BPIFB1: variants seen among roughly 807,000 people sequenced by gnomAD.
BPIFB1 encodes BPI fold-containing family B member 1.
In BPIFB1, 34 loss-of-function variants were observed where a neutral mutation model predicts 55.1. The observed-to-expected ratio is 0.62, with a 90% CI of 0.47 to 0.82. The LOEUF is 0.82. BPIFB1 is among the 40% of genes least tolerant of loss of function. The pLI, the probability that BPIFB1 is intolerant of heterozygous loss-of-function variation, is 0.00. For synonymous variants in BPIFB1, 236 were observed against 245.3 expected (o/e 0.96, Z 0.35); for missense variants, 532 against 593.1 (o/e 0.90, Z 1.07).
intron 2 of BPIFB1, among the ~76,000 whole-genome samples, chr20:33,287,219 G>A (rs867208329): frequency 6.6e-6 from 1 of 152,244 alleles, no homozygotes; most frequent in Non-Finnish European, 1.5e-5. Flanking sequence ...CTCCTATAAG[G>A]AGTTGTGTAC....
chr20:33,301,232 G>C lies in BPIFB1; in HGVS notation c.748-1G>C. ...GCTGACTCCCTGCTCTGTCTCCTCA[G>C]GCCAAGTTGTTGGACTCACAGGGAA... On this transcript the variant is annotated splice_acceptor_variant, in intron 8 of 15. Transcript: ENST00000253354. LOFTEE classifies it high-confidence loss of function. The C allele has an allele frequency of 6.2e-7, 1 of 1,613,862 alleles. No homozygotes were observed. Among genetic ancestry groups the C allele is most frequent in the East Asian group, 2.2e-5 (1 of 44,878 alleles).
intron 4 of BPIFB1, among the ~76,000 whole-genome samples, chr20:33,290,385 A>G (rs1012664111): frequency 1.3e-5 from 2 of 152,100 alleles, no homozygotes; most frequent in African/African-American, 4.8e-5. Flanking sequence ...AAGAGTGGAG[A>G]CAGGAAGGCT....
intron 4 of BPIFB1, among the ~76,000 whole-genome samples, chr20:33,290,381 G>A (rs1299368002): frequency 3.3e-5 from 5 of 152,182 alleles, no homozygotes. Context: ...GGGTAAGAGT[G>A]GAGACAGGAA....
At chr20:33,298,991 TGGAGA>T in intron 7 of BPIFB1, 1 of 299,546 alleles carries the variant, frequency 3.3e-6, no homozygotes, top group Non-Finnish European at 6.7e-6. Context: ...TTTTTTTTTT[TGGAGA>T]CGGACCTTTT....
At chr20:33,299,874 G>T (rs1290276300) in intron 7 of BPIFB1, 25 bp from the exon 8 acceptor site, 10 of 1,611,156 alleles carry the variant, frequency 6.2e-6, no homozygotes, top group Non-Finnish European at 8.5e-6. Context: ...CACCCTCACA[G>T]AACTTTCTTC....
In BPIFB1 at chr20:33,297,576, C is replaced by T. The variant is rs779228270; in HGVS notation, c.649C>T (p.Gln217Ter). The part of the protein sequence containing the change: ...SFNGMYADLL[Q>*]LVKVPISLSI... ...CAATGGCATGTATGCAGACCTCCTG[C>T]AGCTGGTGAAGGGTAGGTGCTCTGC... The change falls in exon 7 of 16, where the codon CAG becomes TAG. Residue 217 changes from glutamine to a stop codon, truncating the protein, a stop_gained. Coordinates refer to ENST00000253354, the MANE Select transcript of BPIFB1 (RefSeq NM_033197.3). LOFTEE classifies it high-confidence loss of function. 1 of 1,614,172 alleles carries T rather than the reference C, an allele frequency of 6.2e-7. No individual in the cohort carries two copies. The highest frequency in any genetic ancestry group is 1.1e-5 in the South Asian group (1 of 91,086).
intron 6 of BPIFB1, among the ~76,000 whole-genome samples, chr20:33,296,844 G>T (rs1031092742): frequency 6.6e-6 from 1 of 152,212 alleles, no homozygotes; most frequent in East Asian, 1.9e-4. Flanking sequence ...GGTCTGCCTT[G>T]CTGGCCTCTG....
At chr20:33,289,381 C>CAAAA (rs1217903188) in intron 3 of BPIFB1, among the ~76,000 whole-genome samples, 13 of 105,808 alleles carry the variant, frequency 1.2e-4, no homozygotes, top group South Asian at 3.8e-4. Flanking sequence ...GATTCTGTCT[C>CAAAA]AAAAAAAAAA....
intron 14 of BPIFB1, among the ~76,000 whole-genome samples, chr20:33,306,375 T>TC (rs1471895213): frequency 1.3e-5 from 2 of 152,078 alleles, no homozygotes; most frequent in African/African-American, 4.8e-5. Context: ...CAGACCCTGT[T>TC]CCCCCTCTTG....
intron 8 of BPIFB1, among the ~76,000 whole-genome samples, chr20:33,300,367 A>G (rs1368432645): frequency 6.6e-6 from 1 of 152,198 alleles, no homozygotes; most frequent in Non-Finnish European, 1.5e-5. Flanking sequence ...GACTTTGGGC[A>G]AGTTCCTTTA....
chr20:33,285,495 C>A (rs1329253996), intron 1 of BPIFB1, among the ~76,000 whole-genome samples: 1 of 151,588 alleles, frequency 6.6e-6, no homozygotes, highest in Non-Finnish European at 1.5e-5. Context: ...GGGCAGATCA[C>A]GAGGTCAGGA....
rs186817114 is a variant in BPIFB1, at chr20:33,299,190, G to A, written c.662-709G>A. 1.1e-5 allele frequency: 5 copies of A among 456,440 alleles called. No individual in the cohort carries two copies. The East Asian group carries it at 2.1e-4, about 19-fold the overall frequency. 28.3% of individuals were successfully genotyped at this position (456,440 alleles called of 1,614,324 possible). A position where few individuals can be genotyped will look rare whatever the true frequency, so the allele number is the denominator to read the frequency against. ...AAACCGAAGTCCAGCTGGCTCCTCC[G>A]CTGCCCCGAGGACGGGCCCGGAGGT... On this transcript the variant is annotated intron_variant, in intron 7 of 15. Transcript: ENST00000253354.
intron 8 of BPIFB1, 103 bp from the exon 9 acceptor site, chr20:33,301,130 C>T (rs766666640): frequency 5.8e-6 from 7 of 1,205,726 alleles, no homozygotes; most frequent in Non-Finnish European, 8.2e-6. Context: ...GCAACAAATG[C>T]ACAAAAAGGA....
intron 6 of BPIFB1, among the ~76,000 whole-genome samples, chr20:33,296,716 A>G (rs1980664402): frequency 6.6e-6 from 1 of 152,284 alleles, no homozygotes; most frequent in South Asian, 2.1e-4. Context: ...TGGGGACAAA[A>G]TCTCCCCCTG....
rs1980692340 is a variant in BPIFB1 at position 33,297,530 on chromosome 20, T to C, written c.603T>C (p.Cys201=). The C allele has an allele frequency of 6.2e-7, 1 of 1,614,116 alleles. No individual in the cohort carries two copies. ...SLPNLVKNQL[C]PVIEASFNGM... ...CCTTGCTTATGCTGTTGCAGCTGTG[T>C]CCCGTGATCGAGGCTTCCTTCAATG... is the stretch of plus-strand genomic sequence containing the variant. The change falls in exon 7 of 16, where the codon TGT becomes TGC. Residue 201 remains cysteine, a synonymous_variant. Transcript: ENST00000253354.
intron 11 of BPIFB1, among the ~76,000 whole-genome samples, chr20:33,303,700 T>G (rs1416443136): frequency 6.6e-6 from 1 of 152,166 alleles, no homozygotes; most frequent in Non-Finnish European, 1.5e-5. Flanking sequence ...CTATGAATAG[T>G]GGCTGCTTTC....
Position 33,309,375 on chromosome 20 carries a change from G to T in BPIFB1, c.1396-333G>T, listed in dbSNP as rs1020913240. 6.6e-6 allele frequency among the ~76,000 whole-genome samples: 1 copy of T among 152,198 alleles called. No individual in the cohort carries two copies. The highest frequency in any genetic ancestry group is 1.5e-5 in the Non-Finnish European group (1 of 68,034). On this transcript the variant is annotated intron_variant, in intron 15 of 15. Transcript: ENST00000253354. The surrounding 1 kb of genome is among the most constrained non-coding windows in gnomAD (Gnocchi z 4.4). ...CCTTACTGTCATTAGCTCATGCAGA[G>T]GAGGGGCCCAAAGCAGGGGGTGATC...
intron 13 of BPIFB1, among the ~76,000 whole-genome samples, chr20:33,305,561 C>T (rs1249631853): frequency 1.3e-5 from 2 of 152,094 alleles, no homozygotes; most frequent in African/African-American, 4.8e-5. Context: ...TCATGATCTG[C>T]CCGCCTTGGC....
rs778651480 is a variant in BPIFB1 at position 33,302,346 on chromosome 20, C to A, written c.928-13C>A. ...CCCTCCAACTGACCTTCTCTGGCTC[C>A]TCTCACCCTCAGCTTCCTGAGAGTG... On this transcript the variant is annotated splice_polypyrimidine_tract_variant and intron_variant, in intron 9 of 15. Coordinates refer to ENST00000253354, the MANE Select transcript of BPIFB1 (RefSeq NM_033197.3). 3.1e-6 allele frequency: 5 copies of A among 1,613,984 alleles called. No individual in the cohort carries two copies. The South Asian group carries it at 5.5e-5, about 18-fold the overall frequency.
Sources: gnomAD v4.1 joint callset for allele counts (sites outside exome capture counted in the v4.1 genomes callset) on GRCh38, gnomAD v4.1.1 for gene constraint, Gnocchi (gnomAD v3.1) non-coding constraint, MANE v1.5 for transcripts, NCBI Gene and HGNC (gene_info 2026-07-23, HGNC 2026-07-21) for gene names.